Variants in BOC observed in about 807,000 individuals in gnomAD.
BOC encodes brother of CDO.
In BOC, 76 loss-of-function variants were observed where a neutral mutation model predicts 112.0. That is an observed-to-expected ratio of 0.68 (90% CI 0.56 to 0.82). BOC has a LOEUF of 0.82. Among genes scored for constraint, BOC ranks in the 40% least tolerant of loss-of-function variants. The probability of loss-of-function intolerance (pLI) is 0.00; values close to 1 mark genes in which losing one functional copy is unlikely to be tolerated. For missense variants in BOC, 1,309 were observed against 1,511.7 expected (o/e 0.87, Z 2.22); for synonymous variants, 580 against 599.8 (o/e 0.97, Z 0.48).
rs1949489203 is a variant in BOC, at chr3:113,284,518, G to A, written c.2840G>A (p.Gly947Asp). 1.9e-6 allele frequency: 3 copies of A among 1,614,018 alleles called. No homozygotes were observed. The highest frequency in any genetic ancestry group is 4.5e-5 in the East Asian group (2 of 44,866). Residue 947 changes from glycine to aspartate, a missense_variant, in exon 17 of 20, where the codon GGC (glycine) becomes GAC (aspartate). Gly to Asp is a moderately conservative substitution (Grantham distance 94). Transcript: ENST00000682979. ...MNRGCPSAAVGYPGMKPQQHC... is the reference protein window; with the variant it reads ...MNRGCPSAAVDYPGMKPQQHC... Reference sequence around the variant, plus strand: ...AGGGGCTGCCCCTCGGCTGCAGTGGGCTACCCGGGCATGAAGCCCCAGCAG... The same window carrying A: ...AGGGGCTGCCCCTCGGCTGCAGTGGACTACCCGGGCATGAAGCCCCAGCAG...
intron 2 of BOC, among the ~76,000 whole-genome samples, chr3:113,219,735 A>C (rs372611889): frequency 1.3e-5 from 2 of 152,176 alleles, no homozygotes; most frequent in East Asian, 3.8e-4. Context: ...GGAGATTCTG[A>C]ATGGCTCAGC....
chr3:113,221,066 G>C (rs1176330497), intron 2 of BOC, among the ~76,000 whole-genome samples: 1 of 152,200 alleles, frequency 6.6e-6, no homozygotes, highest in Non-Finnish European at 1.5e-5. Flanking sequence ...AGACAAGCCT[G>C]GGTTTCAGTT....
In BOC at chr3:113,287,072, T is replaced by C. The variant is rs1271899279; in HGVS notation, c.*210T>C. The C allele has an allele frequency of 1.6e-6, 1 of 627,222 alleles. No individual in the cohort carries two copies. The highest frequency in any genetic ancestry group is 1.8e-5 in the African/African-American group (1 of 55,116). 38.9% of individuals were successfully genotyped at this position (627,222 alleles called of 1,614,324 possible). On this transcript the variant is annotated 3_prime_UTR_variant, in exon 20 of 20. Coordinates refer to ENST00000682979, the MANE Select transcript of BOC (RefSeq NM_001378074.1). ...GGTTGGAGAGGGAAAATAAAGAAGC[T>C]GCCACCTAACAGGAGTCACCCAGGA...
chr3:113,226,879 G>T (rs533337371), intron 2 of BOC, among the ~76,000 whole-genome samples: 1 of 152,298 alleles, frequency 6.6e-6, no homozygotes, highest in South Asian at 2.1e-4. Flanking sequence ...TCAGTCAATT[G>T]CCATAGGGGC....
Position 113,284,483 on chromosome 3 carries a change from C to T in BOC, c.2805C>T (p.Ile935=), listed in dbSNP as rs750491112. 2 of 1,614,128 alleles carry T rather than the reference C, an allele frequency of 1.2e-6. No individual in the cohort carries two copies. The highest frequency in any genetic ancestry group is 1.3e-5 in the African/African-American group (1 of 74,946). The change falls in exon 17 of 20, where the codon ATC becomes ATT. Residue 935 remains isoleucine (I), a synonymous_variant. Transcript: ENST00000682979. ...GTGGACGGGCCTGTGCTAATGGGAT[C>T]CACATGAATAGGGGCTGCCCCTCGG... The part of the protein sequence containing the change: ...GISGRACANG[I]HMNRGCPSAA...
intron 2 of BOC, among the ~76,000 whole-genome samples, chr3:113,231,762 C>A (rs1385766028): frequency 6.6e-6 from 1 of 152,194 alleles, no homozygotes; most frequent in Non-Finnish European, 1.5e-5. Context: ...CCTCACTAAT[C>A]TCCTTTCCAC....
In BOC at chr3:113,274,414, C is replaced by T. The variant is rs766612660; in HGVS notation, c.1274C>T (p.Thr425Ile). The T allele has an allele frequency of 1.9e-6, 3 of 1,577,918 alleles. No individual in the cohort carries two copies. Among genetic ancestry groups the T allele is most frequent in the East Asian group, 4.5e-5 (2 of 44,124 alleles). Residue 425 changes from threonine to isoleucine, a missense_variant, in exon 9 of 20, where the codon ACT (threonine) becomes ATT (isoleucine). Physicochemically the swap from Thr to Ile is moderately conservative, Grantham distance 89 (BLOSUM62 -1). Transcript: ENST00000682979. This position sits in a 1 kb window ranked among gnomAD's most constrained non-coding sequence, Gnocchi z 4.8. ...PRLWQDAELA[T>I]GTPPVSPSKL... ...CTATGGCAGGATGCTGAGCTGGCTACTGGCACACCTCCTGTATCACCCTCC... is the reference window on the plus strand; with the variant it reads ...CTATGGCAGGATGCTGAGCTGGCTATTGGCACACCTCCTGTATCACCCTCC...
intron 2 of BOC, among the ~76,000 whole-genome samples, chr3:113,233,543 G>T (rs2107730176): frequency 6.6e-6 from 1 of 152,248 alleles, no homozygotes; most frequent in South Asian, 2.1e-4. Flanking sequence ...TGTGACTACA[G>T]TGCTCGCTTC....
chr3:113,277,094 T>C (rs1479885733), intron 9 of BOC, among the ~76,000 whole-genome samples: 1 of 152,136 alleles, frequency 6.6e-6, no homozygotes, highest in African/African-American at 2.4e-5. Flanking sequence ...TCCATCACAG[T>C]CACAATTCAT....
chr3:113,282,122 A>G (rs1408914554), intron 15 of BOC, among the ~76,000 whole-genome samples: 2 of 152,154 alleles, frequency 1.3e-5, no homozygotes, highest in South Asian at 2.1e-4. Flanking sequence ...GAAGGAGGTT[A>G]TGGGAGTGAA....
At chr3:113,228,991 A>G (rs1942144661) in intron 2 of BOC, among the ~76,000 whole-genome samples, 1 of 152,196 alleles carries the variant, frequency 6.6e-6, no homozygotes, top group Non-Finnish European at 1.5e-5. Flanking sequence ...TCTTGGCAGA[A>G]GTTAAGACAC....
chr3:113,233,065 T>G (rs1480883157), intron 2 of BOC, among the ~76,000 whole-genome samples: 1 of 152,050 alleles, frequency 6.6e-6, no homozygotes, highest in African/African-American at 2.4e-5. Flanking sequence ...CTTCAGCAGT[T>G]CAGCTATTTT....
chr3:113,235,388 G>T (rs2107749098), intron 2 of BOC, among the ~76,000 whole-genome samples: 1 of 152,280 alleles, frequency 6.6e-6, no homozygotes, highest in East Asian at 1.9e-4. Context: ...GTCAGAGGTG[G>T]GCTCCTCTCT....
At position 113,250,574 on chromosome 3, in the gene BOC, C is replaced by T. The variant is rs766077123; in HGVS notation, c.117C>T (p.Thr39=). 2.7e-5 allele frequency: 43 copies of T among 1,612,760 alleles called. No homozygotes were observed. The highest frequency in any genetic ancestry group is 1.8e-4 in the South Asian group (16 of 90,846). The change falls in exon 4 of 20, where the codon ACC becomes ACT. Residue 39 remains threonine (T), a synonymous_variant. Coordinates refer to ENST00000682979, the MANE Select transcript of BOC (RefSeq NM_001378074.1). The part of the protein sequence containing the change: ...FADLNEVPQV[T]VQPASTVQKP... ...CTCCAGACGAGGTCCCTCAGGTCAC[C>T]GTCCAGCCTGCGTCCACCGTCCAGA...
chr3:113,277,799 G>C (rs1016936084), intron 9 of BOC, among the ~76,000 whole-genome samples: 3 of 152,246 alleles, frequency 2.0e-5, no homozygotes, highest in Non-Finnish European at 2.9e-5. Context: ...AGGGAGAGAA[G>C]GTCTTTGGAG....
At position 113,285,528 on chromosome 3, in the gene BOC, T is replaced by C. The variant is rs1056291444; in HGVS notation, c.3123T>C (p.Pro1041=). The change falls in exon 19 of 20, where the codon CCT becomes CCC. Residue 1041 remains proline, a synonymous_variant. Coordinates refer to ENST00000682979, the MANE Select transcript of BOC (RefSeq NM_001378074.1). ...QSGVRRAPDS[P]VLEAVWDPPF... ...GGGTGAGGAGAGCCCCCGACAGTCCTGTCCTGGAAGCAGTGTGGGACCCTC... is the reference window on the plus strand; with the variant it reads ...GGGTGAGGAGAGCCCCCGACAGTCCCGTCCTGGAAGCAGTGTGGGACCCTC... 6.2e-7 allele frequency: 1 copy of C among 1,609,146 alleles called. No homozygotes were observed. Among genetic ancestry groups the C allele is most frequent in the African/African-American group, 1.3e-5 (1 of 74,908 alleles).
Position 113,287,276 on chromosome 3 carries a change from G to A in BOC, c.*414G>A. 3.2e-6 allele frequency: 1 copy of A among 316,736 alleles called. No individual in the cohort carries two copies. The highest frequency in any genetic ancestry group is 6.2e-6 in the Non-Finnish European group (1 of 161,198). 19.6% of individuals were successfully genotyped at this position (316,736 alleles called of 1,614,324 possible). ...ATCACAGCCTGGAGACACCCACACA[G>A]ATGGCTGGATCCGGTGCTACGGGAA... On this transcript the variant is annotated 3_prime_UTR_variant, in exon 20 of 20. Coordinates refer to ENST00000682979, the MANE Select transcript of BOC (RefSeq NM_001378074.1).
In BOC at chr3:113,281,086, T is replaced by G; in HGVS notation, c.2367T>G (p.Ile789Met). 3 of 1,613,980 alleles carry G rather than the reference T, an allele frequency of 1.9e-6. No homozygotes were observed. Among genetic ancestry groups the G allele is most frequent in the South Asian group, 2.2e-5 (2 of 91,046 alleles). Reference protein sequence around the residue: ...SHLQPETSYDIKMQCFNEGGE... With the variant: ...SHLQPETSYDMKMQCFNEGGE... ...TGCAGCCAGAGACCTCCTACGACAT[T>G]AAGATGCAGTGCTTCAATGAAGGAG... Residue 789 changes from isoleucine (I) to methionine (M), a missense_variant, in exon 15 of 20, where the codon ATT becomes ATG. Ile to Met is a conservative substitution (Grantham distance 10). Transcript: ENST00000682979.
intron 1 of BOC, 132 bp from the exon 2 acceptor site, chr3:113,216,054 TC>T: frequency 3.5e-6 from 1 of 282,306 alleles, no homozygotes; most frequent in African/African-American, 2.2e-5. Context: ...AAATCGCTTT[TC>T]TACTGTTTTC....
Sources: gnomAD v4.1 joint callset for allele counts (sites outside exome capture counted in the v4.1 genomes callset) on GRCh38, gnomAD v4.1.1 for gene constraint, Gnocchi (gnomAD v3.1) non-coding constraint, MANE v1.5 for transcripts, NCBI Gene and HGNC (gene_info 2026-07-23, HGNC 2026-07-21) for gene names.